Variants in SYTL3 observed in about 807,000 individuals in gnomAD.
The protein encoded by SYTL3 is synaptotagmin-like protein 3.
Under a neutral mutation model 82.1 loss-of-function variants are expected in SYTL3, and 88 were observed. The observed-to-expected ratio is 1.07, with a 90% CI of 0.90 to 1.28. SYTL3 has a LOEUF of 1.28. Among genes scored for constraint, SYTL3 ranks in the 50% most tolerant of loss-of-function variants. The probability of loss-of-function intolerance (pLI) is 0.00; values close to 1 mark genes in which losing one functional copy is unlikely to be tolerated. For synonymous variants in SYTL3, 311 were observed against 289.4 expected (o/e 1.07, Z -0.76); for missense variants, 831 against 757.6 (o/e 1.10, Z -1.14).
At chr6:158,759,409 G>C (rs895624970) in intron 14 of SYTL3, among the ~76,000 whole-genome samples, 1 of 152,222 alleles carries the variant, frequency 6.6e-6, no homozygotes, top group Admixed American at 6.5e-5. Flanking sequence ...GGGCTCCCAG[G>C]AGTCCTGAGG....
At chr6:158,740,087 C>T (rs534749607) in intron 11 of SYTL3, among the ~76,000 whole-genome samples, 2 of 144,340 alleles carry the variant, frequency 1.4e-5, no homozygotes, top group African/African-American at 5.2e-5. Flanking sequence ...ACATCTGCCT[C>T]CTGGGTTCAA....
chr6:158,706,859 G>A (rs752118321), intron 6 of SYTL3, among the ~76,000 whole-genome samples: 52 of 152,310 alleles, frequency 3.4e-4, no homozygotes, highest in Non-Finnish European at 4.9e-4. Context: ...ATTATGAAAT[G>A]TTTCCAAAGG....
In SYTL3 at chr6:158,747,799, A is replaced by G. The variant is rs575087854; in HGVS notation, c.1034+2141A>G. On this transcript the variant is annotated intron_variant, in intron 12 of 17. Transcript: ENST00000611299. ...ACTGCACCTGGCCTCCCATTTTTCT[A>G]TTGGATTGTTTATTGTTTTATTTAT... 2.0e-4 allele frequency among the ~76,000 whole-genome samples: 31 copies of G among 152,004 alleles called. No homozygotes were observed. The East Asian group carries it at 4.1e-3, about 20-fold the overall frequency.
At chr6:158,749,309 C>A (rs1342560014) in intron 12 of SYTL3, among the ~76,000 whole-genome samples, 1 of 146,312 alleles carries the variant, frequency 6.8e-6, no homozygotes. Flanking sequence ...GGGAGAATCA[C>A]CTCAGCCCAG....
At chr6:158,746,459 A>ATTATTATTATTATTATTATTAT (rs1554263762) in intron 12 of SYTL3, among the ~76,000 whole-genome samples, 5 of 142,058 alleles carry the variant, frequency 3.5e-5, no homozygotes, top group Non-Finnish European at 7.6e-5. Flanking sequence ...AATAATAATA[A>ATTATTATTATTATTATTATTAT]TATTATTATT....
intron 6 of SYTL3, among the ~76,000 whole-genome samples, chr6:158,698,739 G>C (rs1465324585): frequency 6.6e-6 from 1 of 152,158 alleles, no homozygotes; most frequent in African/African-American, 2.4e-5. Context: ...TATTGATTGT[G>C]ATGATTGTTT....
upstream of SYTL3, among the ~76,000 whole-genome samples, chr6:158,649,525 G>A (rs1269197783): frequency 6.6e-6 from 1 of 152,250 alleles, no homozygotes; most frequent in African/African-American, 2.4e-5. Flanking sequence ...CCATGCCTGA[G>A]TTAGCAGGGC....
At position 158,700,779 on chromosome 6, in the gene SYTL3, G is replaced by T. The variant is rs57988964; in HGVS notation, c.395-6451G>T. Among the ~76,000 whole-genome samples, 5 of 152,250 alleles carry T rather than the reference G, an allele frequency of 3.3e-5. No individual in the cohort carries two copies. In the East Asian group the frequency reaches 9.7e-4, roughly 29 times the overall value. On this transcript the variant is annotated intron_variant, in intron 6 of 17. Transcript: ENST00000611299. ...CTACAGGTGCCCGCCACCACGGCCGGCTAATTTTTTGTACTTTTAGTAGAG... is the reference window on the plus strand; with the variant it reads ...CTACAGGTGCCCGCCACCACGGCCGTCTAATTTTTTGTACTTTTAGTAGAG...
intron 5 of SYTL3, among the ~76,000 whole-genome samples, chr6:158,680,887 T>C (rs1778614839): frequency 6.6e-6 from 1 of 152,266 alleles, no homozygotes; most frequent in African/African-American, 2.4e-5. Context: ...AGTTAGTTGA[T>C]ATCTTCTCAC....
At chr6:158,660,126 G>C (rs544124805) in intron 2 of SYTL3, among the ~76,000 whole-genome samples, 1 of 152,092 alleles carries the variant, frequency 6.6e-6, no homozygotes, top group African/African-American at 2.4e-5. Context: ...TTAGCCGGGC[G>C]TGGTGGCGGG....
chr6:158,650,008 T>C (rs1039839224), upstream of SYTL3: 3 of 152,018 alleles, frequency 2.0e-5, no homozygotes, highest in Non-Finnish European at 2.9e-5. Flanking sequence ...CGTCAGTTAC[T>C]CTAACAAGAA....
At chr6:158,716,635 C>A (rs921072029) in intron 9 of SYTL3, among the ~76,000 whole-genome samples, 2 of 152,170 alleles carry the variant, frequency 1.3e-5, no homozygotes, top group African/African-American at 2.4e-5. Flanking sequence ...AGCTGGACAC[C>A]CCAGCCGTTC....
intron 6 of SYTL3, among the ~76,000 whole-genome samples, chr6:158,697,921 G>A (rs1395882437): frequency 6.6e-6 from 1 of 152,166 alleles, no homozygotes; most frequent in Non-Finnish European, 1.5e-5. Flanking sequence ...GTGGCAGAAG[G>A]ATGCTGGATA....
intron 6 of SYTL3, among the ~76,000 whole-genome samples, chr6:158,687,430 C>T (rs1202799428): frequency 3.9e-5 from 6 of 152,184 alleles, no homozygotes; most frequent in Non-Finnish European, 8.8e-5. Context: ...TCAGAAGCCA[C>T]ACCCTGTCAT....
At chr6:158,758,239 G>A (rs539218962) in intron 14 of SYTL3, among the ~76,000 whole-genome samples, 1 of 152,152 alleles carries the variant, frequency 6.6e-6, no homozygotes, top group African/African-American at 2.4e-5. Context: ...AGGAGATTGA[G>A]ACCATCCTGG....
Position 158,757,258 on chromosome 6 carries a change from G to A in SYTL3, c.1185G>A (p.Ser395=), listed in dbSNP as rs140076111. 2.2e-5 allele frequency: 36 copies of A among 1,612,678 alleles called. No individual in the cohort carries two copies. Among genetic ancestry groups the A allele is most frequent in the Middle Eastern group, 1.7e-4 (1 of 6,032 alleles). The part of the protein sequence containing the change: ...AQLVTRQLQV[S]VWHLGTLARR... ...TGGTGACCCGGCAGCTGCAGGTCTC[G>A]GTGTGGCATCTGGGCACGCTGGCCC... Residue 395 remains serine, a synonymous_variant, in exon 14 of 18, where the codon TCG becomes TCA. Coordinates refer to ENST00000611299, the MANE Select transcript of SYTL3 (RefSeq NM_001242394.2).
intron 5 of SYTL3, among the ~76,000 whole-genome samples, chr6:158,670,551 G>T (rs1365323461): frequency 6.6e-6 from 1 of 152,108 alleles, no homozygotes; most frequent in Non-Finnish European, 1.5e-5. Flanking sequence ...GGAGGCTGAG[G>T]CGGGTGGATC....
chr6:158,646,534 G>C (rs1787474352), upstream of SYTL3, among the ~76,000 whole-genome samples: 1 of 152,218 alleles, frequency 6.6e-6, no homozygotes, highest in Admixed American at 6.5e-5. Flanking sequence ...CAAATGGAGA[G>C]AACTGGGGAG....
intron 11 of SYTL3, among the ~76,000 whole-genome samples, chr6:158,732,409 G>A (rs1029194590): frequency 1.3e-5 from 2 of 152,210 alleles, no homozygotes; most frequent in East Asian, 1.9e-4. Context: ...TATTCCATCC[G>A]CACTCTAAAT....
Sources: gnomAD v4.1 joint callset for allele counts (sites outside exome capture counted in the v4.1 genomes callset) on GRCh38, gnomAD v4.1.1 for gene constraint, MANE v1.5 for transcripts, NCBI Gene and HGNC (gene_info 2026-07-23, HGNC 2026-07-21) for gene names.